Variants in TAFA1 observed in about 807,000 individuals in gnomAD.
TAFA1 encodes TAFA chemokine like family member 1.
In TAFA1, 4 loss-of-function variants were observed where a neutral mutation model predicts 18.5. That is an observed-to-expected ratio of 0.22 (90% CI 0.11 to 0.49). The LOEUF (loss-of-function observed/expected upper bound fraction) is 0.49. Among genes scored for constraint, TAFA1 ranks in the 20% least tolerant of loss-of-function variants. TAFA1 has a pLI of 0.98. For synonymous variants in TAFA1, 56 were observed against 55.2 expected (o/e 1.01, Z -0.06); for missense variants, 147 against 169.0 (o/e 0.87, Z 0.72).
At chr3:68,378,433 T>C (rs895688261) in intron 2 of TAFA1, among the ~76,000 whole-genome samples, 1 of 152,206 alleles carries the variant, frequency 6.6e-6, no homozygotes, top group Admixed American at 6.6e-5. Context: ...ACCCAATGCC[T>C]GTAACCACAT....
chr3:68,102,799 C>G (rs1450722252), intron 2 of TAFA1, among the ~76,000 whole-genome samples: 1 of 152,152 alleles, frequency 6.6e-6, no homozygotes, highest in African/African-American at 2.4e-5. Context: ...ACCAGGCCAA[C>G]TAGCCCTGGC....
intron 4 of TAFA1, among the ~76,000 whole-genome samples, chr3:68,543,652 A>G (rs1452622074): frequency 6.6e-6 from 1 of 152,182 alleles, no homozygotes; most frequent in Non-Finnish European, 1.5e-5. Context: ...CTAAAACTGT[A>G]AAGAAGTAAG....
chr3:68,285,350 G>T (rs1405641427), intron 2 of TAFA1, among the ~76,000 whole-genome samples: 3 of 151,958 alleles, frequency 2.0e-5, no homozygotes, highest in Non-Finnish European at 4.4e-5. Flanking sequence ...GATCTGGATG[G>T]TGCTTATATA....
chr3:68,356,497 G>A (rs1490735645), intron 2 of TAFA1, among the ~76,000 whole-genome samples: 1 of 151,810 alleles, frequency 6.6e-6, no homozygotes, highest in African/African-American at 2.4e-5. Context: ...CTCCCAAAGA[G>A]CAAGATCTTT....
chr3:68,246,569 G>A (rs1200016588), intron 2 of TAFA1, among the ~76,000 whole-genome samples: 3 of 115,050 alleles, frequency 2.6e-5, no homozygotes, highest in Non-Finnish European at 3.3e-5. Flanking sequence ...CAGCCTGGGC[G>A]ACAGAGCGGG....
intron 2 of TAFA1, among the ~76,000 whole-genome samples, chr3:68,203,925 G>T (rs1407916009): frequency 6.6e-6 from 1 of 150,756 alleles, no homozygotes; most frequent in South Asian, 2.1e-4. Flanking sequence ...AGTTCCTGGA[G>T]GTTAAAGTCA....
intron 2 of TAFA1, among the ~76,000 whole-genome samples, chr3:68,265,360 A>G (rs2067522274): frequency 6.6e-6 from 1 of 152,194 alleles, no homozygotes; most frequent in Non-Finnish European, 1.5e-5. Context: ...CTAATATGTG[A>G]GGTCCTTTCA....
At chr3:68,506,064 A>C (rs1484326744) in intron 3 of TAFA1, among the ~76,000 whole-genome samples, 1 of 151,488 alleles carries the variant, frequency 6.6e-6, no homozygotes, top group Non-Finnish European at 1.5e-5. Context: ...GATAGGCCCC[A>C]GTGCATGATG....
At chr3:68,162,313 T>C (rs773045133) in intron 2 of TAFA1, among the ~76,000 whole-genome samples, 6 of 152,324 alleles carry the variant, frequency 3.9e-5, no homozygotes, top group Admixed American at 1.3e-4. Flanking sequence ...AGGATGAAAC[T>C]GTTCCACTTC....
chr3:68,394,857 C>T (rs954460070), intron 2 of TAFA1, among the ~76,000 whole-genome samples: 10 of 152,066 alleles, frequency 6.6e-5, no homozygotes, highest in Admixed American at 6.6e-5. Flanking sequence ...TAGAAGAAAA[C>T]CTAGGCAAAT....
At chr3:68,186,673 C>T (rs774843401) in intron 2 of TAFA1, among the ~76,000 whole-genome samples, 5 of 151,996 alleles carry the variant, frequency 3.3e-5, no homozygotes, top group African/African-American at 1.2e-4. Context: ...GTCTACTTAC[C>T]GTCCTTTATC....
intron 2 of TAFA1, among the ~76,000 whole-genome samples, chr3:68,145,882 A>G (rs2065734124): frequency 1.3e-5 from 2 of 152,206 alleles, no homozygotes; most frequent in South Asian, 4.1e-4. Context: ...AAAAGCCTTC[A>G]TCTTTCAAAG....
At chr3:68,432,914 C>T (rs895810412) in intron 3 of TAFA1, among the ~76,000 whole-genome samples, 1 of 151,992 alleles carries the variant, frequency 6.6e-6, no homozygotes, top group Non-Finnish European at 1.5e-5. Flanking sequence ...ACGAGAGCTG[C>T]CTTTCTCTTC....
chr3:68,341,932 T>A (rs2069092540), intron 2 of TAFA1, among the ~76,000 whole-genome samples: 1 of 152,186 alleles, frequency 6.6e-6, no homozygotes. Context: ...AGGCCTTGAG[T>A]ACCAAGGTGG....
chr3:68,059,580 T>C (rs2064576742), intron 2 of TAFA1, among the ~76,000 whole-genome samples: 1 of 151,906 alleles, frequency 6.6e-6, no homozygotes, highest in African/African-American at 2.4e-5. Context: ...GGGTAGAGAG[T>C]GCAGATGCAG....
At chr3:68,186,260 A>G (rs1040559435) in intron 2 of TAFA1, among the ~76,000 whole-genome samples, 7 of 152,028 alleles carry the variant, frequency 4.6e-5, no homozygotes, top group African/African-American at 1.7e-4. Flanking sequence ...TGCCAGGGCA[A>G]TTACAAACCA....
chr3:68,535,581 A>G (rs1417427831), intron 3 of TAFA1, among the ~76,000 whole-genome samples: 1 of 152,212 alleles, frequency 6.6e-6, no homozygotes, highest in Non-Finnish European at 1.5e-5. Flanking sequence ...TGGTCCACAT[A>G]TAAGGCAAAA....
At chr3:68,499,025 A>G (rs2072606328) in intron 3 of TAFA1, among the ~76,000 whole-genome samples, 2 of 151,986 alleles carry the variant, frequency 1.3e-5, no homozygotes, top group African/African-American at 4.8e-5. Flanking sequence ...TTTTCCCTTT[A>G]TCCTGGTAGA....
At chr3:68,188,837 T>C (rs1412916290) in intron 2 of TAFA1, among the ~76,000 whole-genome samples, 1 of 151,782 alleles carries the variant, frequency 6.6e-6, no homozygotes, top group East Asian at 1.9e-4. Flanking sequence ...TCCAGAATAG[T>C]GGGGGTTTTT....
Sources: allele counts gnomAD v4.1 joint callset (sites outside exome capture counted in the v4.1 genomes callset), GRCh38; gene constraint gnomAD v4.1.1; transcripts MANE v1.5; gene names NCBI Gene and HGNC (gene_info 2026-07-23, HGNC 2026-07-21).